TMEM132D: variants seen among roughly 807,000 people sequenced by gnomAD.
TMEM132D encodes the protein mature OL transmembrane protein.
Under a neutral mutation model 62.3 loss-of-function variants are expected in TMEM132D, and 21 were observed. The observed-to-expected ratio is 0.34, with a 90% confidence interval of 0.24 to 0.49. The LOEUF (loss-of-function observed/expected upper bound fraction) is 0.49, where lower values mean the gene tolerates loss of function less well. TMEM132D is among the 20% of genes least tolerant of loss of function. The pLI is 0.99. For synonymous variants in TMEM132D, 621 were observed against 575.6 expected (o/e 1.08, Z -1.13); for missense variants, 1,346 against 1,402.8 (o/e 0.96, Z 0.65).
chr12:129,829,728 C>T (rs986382903), intron 1 of TMEM132D, among the ~76,000 whole-genome samples: 10 of 152,112 alleles, frequency 6.6e-5, no homozygotes, highest in Non-Finnish European at 1.0e-4. Context: ...GATGGGGGAG[C>T]TTTTGAAGCA....
At chr12:129,804,603 T>C (rs1871910753) in intron 1 of TMEM132D, among the ~76,000 whole-genome samples, 1 of 135,306 alleles carries the variant, frequency 7.4e-6, no homozygotes, top group African/African-American at 2.8e-5. Flanking sequence ...GGGCAAAAAC[T>C]GGAAGCATTC....
chr12:129,577,096 T>C (rs1274254735), intron 2 of TMEM132D, among the ~76,000 whole-genome samples: 1 of 151,854 alleles, frequency 6.6e-6, no homozygotes, highest in Non-Finnish European at 1.5e-5. Flanking sequence ...CCCCATGGTG[T>C]CACCGAAGGT....
At position 129,578,408 on chromosome 12, in the gene TMEM132D, A is replaced by ATGTGTG. The variant is rs143488724; in HGVS notation, c.969-47209_969-47204dup. Among the ~76,000 whole-genome samples the ATGTGTG allele has an allele frequency of 5.5e-3, 801 of 144,696 alleles. 8 individuals carry two copies. The highest frequency in any genetic ancestry group is 0.017 in the Admixed American group (250 of 14,294). The allele number at this position is 144,696 out of a possible 152,430, so 94.9% of individuals were successfully genotyped here. On this transcript the variant is annotated intron_variant, in intron 2 of 8. Transcript: ENST00000422113. ...CTGGAGAACGCTGAGTAATACAATT[A>ATGTGTG]TGTGTGTGTGTGTGTGTATATATAT...
At chr12:129,452,055 A>G (rs1873306780) in intron 3 of TMEM132D, among the ~76,000 whole-genome samples, 1 of 152,202 alleles carries the variant, frequency 6.6e-6, no homozygotes, top group African/African-American at 2.4e-5. Flanking sequence ...AAGAGACGAA[A>G]TGCTATTTCT....
chr12:129,715,709 G>T (rs1283777193), intron 1 of TMEM132D, among the ~76,000 whole-genome samples: 1 of 152,146 alleles, frequency 6.6e-6, no homozygotes, highest in East Asian at 1.9e-4. Flanking sequence ...CTCGATTAAT[G>T]AGTTAAATAA....
At chr12:129,814,022 G>T (rs751546778) in intron 1 of TMEM132D, among the ~76,000 whole-genome samples, 5 of 152,104 alleles carry the variant, frequency 3.3e-5, no homozygotes, top group Non-Finnish European at 7.4e-5. Flanking sequence ...CCTCACTGAG[G>T]TCTGATGGAA....
Position 129,175,940 on chromosome 12 carries a change from C to T in TMEM132D, c.1443+33580G>A, listed in dbSNP as rs539161891. Among the ~76,000 whole-genome samples, 5 of 152,280 alleles carry T rather than the reference C, an allele frequency of 3.3e-5. No individual in the cohort carries two copies. The East Asian group carries it at 7.7e-4, about 24-fold the overall frequency. Reference sequence around the variant, plus strand: ...AAAATGTCTGGCAGAGTCCACATTACCCTTGCATACTTCTTACTCCTCACC... The same window carrying T: ...AAAATGTCTGGCAGAGTCCACATTATCCTTGCATACTTCTTACTCCTCACC... On this transcript the variant is annotated intron_variant, in intron 5 of 8. Coordinates refer to ENST00000422113, the MANE Select transcript of TMEM132D (RefSeq NM_133448.3).
At chr12:129,861,451 A>C (rs1432448821) in intron 1 of TMEM132D, among the ~76,000 whole-genome samples, 3 of 152,200 alleles carry the variant, frequency 2.0e-5, no homozygotes, top group Non-Finnish European at 4.4e-5. Flanking sequence ...AATTCTGCTA[A>C]GATGTAGGCT....
intron 5 of TMEM132D, among the ~76,000 whole-genome samples, chr12:129,135,845 T>C (rs1332913952): frequency 2.0e-5 from 3 of 152,182 alleles, no homozygotes; most frequent in African/African-American, 4.8e-5. Flanking sequence ...TCATTTCACA[T>C]GGTATTCTCA....
At chr12:129,084,938 T>G in intron 5 of TMEM132D, 1 of 561,326 alleles carries the variant, frequency 1.8e-6, no homozygotes, top group Non-Finnish European at 3.1e-6. Flanking sequence ...GGGGTCCCTG[T>G]GGCTAGGTTG....
chr12:129,401,409 G>A (rs1327252533), intron 3 of TMEM132D, among the ~76,000 whole-genome samples: 3 of 151,854 alleles, frequency 2.0e-5, no homozygotes, highest in Non-Finnish European at 4.4e-5. Context: ...CCTACAAAAG[G>A]TTTTAAAAAA....
intron 4 of TMEM132D, among the ~76,000 whole-genome samples, chr12:129,258,130 C>T (rs1459316383): frequency 6.6e-6 from 1 of 152,188 alleles, no homozygotes; most frequent in Non-Finnish European, 1.5e-5. Flanking sequence ...CTAATCCTTT[C>T]CGGCTGGCTG....
intron 4 of TMEM132D, among the ~76,000 whole-genome samples, chr12:129,311,483 G>A (rs1881976150): frequency 6.6e-6 from 1 of 152,176 alleles, no homozygotes; most frequent in Non-Finnish European, 1.5e-5. Context: ...TCCAGTTGAT[G>A]TTCTGGATGT....
chr12:129,319,288 C>T (rs1868602842), intron 4 of TMEM132D, among the ~76,000 whole-genome samples: 1 of 152,342 alleles, frequency 6.6e-6, no homozygotes, highest in African/African-American at 2.4e-5. Context: ...TCTGCTGCTT[C>T]CTCTACCCCT....
chr12:129,411,625 G>A (rs1308549024), intron 3 of TMEM132D, among the ~76,000 whole-genome samples: 1 of 152,090 alleles, frequency 6.6e-6, no homozygotes, highest in Non-Finnish European at 1.5e-5. Context: ...AAAGTATTGG[G>A]ATTACAGGTG....
rs555695137 is a variant in TMEM132D at position 129,607,373 on chromosome 12, C to T, written c.969-76168G>A. ...CAGAGTACTGCTAACTGGGGAAACC[C>T]CTCTGGAGCTTGGCATGCAGAATTC... On this transcript the variant is annotated intron_variant, in intron 2 of 8. Transcript: ENST00000422113. Among the ~76,000 whole-genome samples the T allele has an allele frequency of 2.8e-3, 426 of 152,270 alleles. 7 individuals carry two copies. The highest frequency in any genetic ancestry group is 8.7e-4 in the Non-Finnish European group (59 of 68,024).
chr12:129,311,932 G>A (rs1282800875), intron 4 of TMEM132D, among the ~76,000 whole-genome samples: 2 of 152,158 alleles, frequency 1.3e-5, no homozygotes, highest in African/African-American at 2.4e-5. Context: ...AGGGGTCCTT[G>A]GGCCTCAGTA....
chr12:129,375,483 G>T (rs12315104), intron 3 of TMEM132D, among the ~76,000 whole-genome samples: 1 of 152,044 alleles, frequency 6.6e-6, no homozygotes, highest in South Asian at 2.1e-4. Context: ...TGCATTGGGC[G>T]TGCCTTGGTA....
intron 2 of TMEM132D, among the ~76,000 whole-genome samples, chr12:129,612,910 AAGG>A (rs1565922802): frequency 6.6e-6 from 1 of 152,138 alleles, no homozygotes; most frequent in Non-Finnish European, 1.5e-5. Flanking sequence ...TTGTTGCCCA[AAGG>A]TTTTGTCAAT....
Sources: allele counts gnomAD v4.1 joint callset (sites outside exome capture counted in the v4.1 genomes callset), GRCh38; gene constraint gnomAD v4.1.1; transcripts MANE v1.5; gene names NCBI Gene and HGNC (gene_info 2026-07-23, HGNC 2026-07-21).